ZC3H12C: variants seen among roughly 807,000 people sequenced by gnomAD.
ZC3H12C encodes zinc finger CCCH-type containing 12C.
ZC3H12C carries 20 observed loss-of-function variants against 76.3 expected under a neutral mutation model. That is an observed-to-expected ratio of 0.26 (90% confidence interval 0.18 to 0.38). ZC3H12C has a LOEUF of 0.38. Among genes scored for constraint, ZC3H12C ranks in the 10% least tolerant of loss-of-function variants. The pLI is 1.00. For missense variants in ZC3H12C, 874 were observed against 1,086.5 expected (o/e 0.80, Z 2.75); for synonymous variants, 352 against 399.6 (o/e 0.88, Z 1.42).
At chr11:110,151,276 A>C (rs1013394644) in intron 2 of ZC3H12C, among the ~76,000 whole-genome samples, 5 of 152,190 alleles carry the variant, frequency 3.3e-5, no homozygotes, top group Admixed American at 6.5e-5. Flanking sequence ...GAGTGAGTAA[A>C]TGTGACAGTT....
rs113314697 is a variant in ZC3H12C, at chr11:110,109,321, A to G, written c.21+15889A>G. Among the ~76,000 whole-genome samples the G allele has an allele frequency of 1.1e-3, 172 of 152,318 alleles. 3 individuals are homozygous for G. Among genetic ancestry groups the G allele is most frequent in the African/African-American group, 4.1e-3 (169 of 41,566 alleles). ...CCTTAATAAAGCTCTCATTCCTTCC[A>G]TGGTTATTCATATTTATAACCTCTT... On this transcript the variant is annotated intron_variant, in intron 1 of 5. Coordinates refer to ENST00000278590, the MANE Select transcript of ZC3H12C (RefSeq NM_033390.2).
intron 2 of ZC3H12C, among the ~76,000 whole-genome samples, chr11:110,146,131 TGCCCG>T (rs894142886): frequency 6.6e-6 from 1 of 152,014 alleles, no homozygotes; most frequent in Admixed American, 6.6e-5. Context: ...GGACCACAGG[TGCCCG>T]CCACCACGCC....
chr11:110,121,166 C>A (rs138947909), intron 1 of ZC3H12C, among the ~76,000 whole-genome samples: 1 of 152,144 alleles, frequency 6.6e-6, no homozygotes, highest in Non-Finnish European at 1.5e-5. Context: ...AGAGAACTGC[C>A]GCTTTAAGTA....
intron 1 of ZC3H12C, among the ~76,000 whole-genome samples, chr11:110,133,425 T>G (rs956288571): frequency 6.6e-6 from 1 of 152,168 alleles, no homozygotes; most frequent in South Asian, 2.1e-4. Flanking sequence ...AGCTAACCAA[T>G]GAAATCTAGA....
chr11:110,131,650 C>T (rs1395734935), intron 1 of ZC3H12C: 1 of 152,566 alleles, frequency 6.6e-6, no homozygotes, highest in East Asian at 1.9e-4. Flanking sequence ...GATTTCTTCA[C>T]TCTCACCTTT....
At chr11:110,100,920 A>G (rs1410879402) in intron 1 of ZC3H12C, among the ~76,000 whole-genome samples, 1 of 152,214 alleles carries the variant, frequency 6.6e-6, no homozygotes, top group East Asian at 1.9e-4. Flanking sequence ...AGGCATGTGA[A>G]AGCCAAGCTA....
chr11:110,116,447 C>CGGGCATTTTAACTCTA (rs1205581346), intron 1 of ZC3H12C, among the ~76,000 whole-genome samples: 2 of 152,058 alleles, frequency 1.3e-5, no homozygotes, highest in African/African-American at 2.4e-5. Flanking sequence ...GGAATAGAGT[C>CGGGCATTTTAACTCTA]GGGCATTTTA....
At chr11:110,126,582 C>G (rs1861752891) in intron 1 of ZC3H12C, among the ~76,000 whole-genome samples, 1 of 151,892 alleles carries the variant, frequency 6.6e-6, no homozygotes, top group Admixed American at 6.6e-5. Context: ...GTAACTATAT[C>G]ATGGTGATAA....
chr11:110,102,945 A>C (rs1363558447), intron 1 of ZC3H12C, among the ~76,000 whole-genome samples: 13 of 152,228 alleles, frequency 8.5e-5, no homozygotes, highest in Admixed American at 8.5e-4. Flanking sequence ...TTTTTTAGAC[A>C]TAATGCTATT....
intron 1 of ZC3H12C, among the ~76,000 whole-genome samples, chr11:110,117,721 CACATATATATATACACACACATAT>C (rs1861556133): frequency 7.4e-5 from 1 of 13,594 alleles, no homozygotes; most frequent in Non-Finnish European, 1.5e-4. Context: ...TATACACACA[CACATATATATATACACACACATAT>C]ATATATTATA....
rs1358190173 is a variant in ZC3H12C at position 110,117,996 on chromosome 11, ATATATAT to A, written c.22-18659_22-18653del. On this transcript the variant is annotated intron_variant, in intron 1 of 5. Transcript: ENST00000278590. ...ACATATATATTATATATATACACAC[ATATATAT>A]TATATATATACACACACACATATAT... is the stretch of plus-strand genomic sequence containing the variant. Among the ~76,000 whole-genome samples the A allele has an allele frequency of 1.5e-5, 2 of 133,208 alleles. 1 individual carries two copies. Among genetic ancestry groups the A allele is most frequent in the African/African-American group, 5.7e-5 (2 of 35,076 alleles). 87.4% of individuals were successfully genotyped at this position (133,208 alleles called of 152,430 possible). A position where few individuals can be genotyped will look rare whatever the true frequency, so the allele number is the denominator to read the frequency against.
Position 110,160,208 on chromosome 11 carries a change from G to T in ZC3H12C, c.1148+718G>T, listed in dbSNP as rs138336037. Among the ~76,000 whole-genome samples, 16 of 152,326 alleles carry T rather than the reference G, an allele frequency of 1.1e-4. No individual in the cohort carries two copies. In the East Asian group the frequency reaches 2.5e-3, roughly 24 times the overall value. The stretch of plus-strand genomic sequence containing the variant: ...AATGGGGCTTGCAGGACGGGAAGTT[G>T]TCCTGAGTGAGTCAGTGAATGAATG... On this transcript the variant is annotated intron_variant, in intron 4 of 5. Coordinates refer to ENST00000278590, the MANE Select transcript of ZC3H12C (RefSeq NM_033390.2).
chr11:110,164,614 A>G lies in ZC3H12C; in HGVS notation c.1529A>G (p.Lys510Arg). ...YQDLEEKLPT[K>R]NKLETRSVPS... ...GACCTAGAAGAAAAGCTTCCCACCA[A>G]AAACAAATTGGAAACCAGGTCTGTA... The change falls in exon 6 of 6, where the codon AAA (lysine) becomes AGA (arginine). Residue 510 changes from lysine to arginine, a missense_variant. This residue lies in a region of ZC3H12C where 269 missense variants were observed against 424.9 expected (regional missense o/e 0.63). Transcript: ENST00000278590. The surrounding 1 kb of genome is among the most constrained non-coding windows in gnomAD (Gnocchi z 5.7). The G allele has an allele frequency of 1.2e-6, 2 of 1,614,020 alleles. No homozygotes were observed. Among genetic ancestry groups the G allele is most frequent in the Non-Finnish European group, 1.7e-6 (2 of 1,179,890 alleles).
intron 1 of ZC3H12C, among the ~76,000 whole-genome samples, chr11:110,119,147 AG>A (rs1203155504): frequency 1.1e-4 from 17 of 152,228 alleles, no homozygotes; most frequent in Non-Finnish European, 1.9e-4. Context: ...GCACAGAAAT[AG>A]CAAAAGATCA....
At position 110,163,399 on chromosome 11, in the gene ZC3H12C, T is replaced by C. The variant is rs201141116; in HGVS notation, c.1255+20T>C. 637 of 1,586,840 alleles carry C rather than the reference T, an allele frequency of 4.0e-4. 3 individuals carry two copies. In the African/African-American group the frequency reaches 7.7e-3, roughly 19 times the overall value. ...CATATGGTAACTTGCTTTGTGAATATTGGGTATATGCCTTTAGAACACAAT... is the reference window on the plus strand; with the variant it reads ...CATATGGTAACTTGCTTTGTGAATACTGGGTATATGCCTTTAGAACACAAT... On this transcript the variant is annotated intron_variant, in intron 5 of 5. Transcript: ENST00000278590.
At chr11:110,143,859 C>A (rs1365003624) in intron 2 of ZC3H12C, among the ~76,000 whole-genome samples, 1 of 152,144 alleles carries the variant, frequency 6.6e-6, no homozygotes, top group Non-Finnish European at 1.5e-5. Flanking sequence ...CTAGCCACTT[C>A]ATTGACAAAC....
chr11:110,115,256 C>T (rs570932776), intron 1 of ZC3H12C, among the ~76,000 whole-genome samples: 2 of 151,928 alleles, frequency 1.3e-5, no homozygotes, highest in African/African-American at 4.8e-5. Flanking sequence ...CAGGCATGCA[C>T]CACCACACCC....
At chr11:110,163,540 AT>A (rs1468998117) in intron 5 of ZC3H12C, among the ~76,000 whole-genome samples, 161 bp downstream of exon 5, 6 of 152,176 alleles carry the variant, frequency 3.9e-5, no homozygotes, top group Non-Finnish European at 5.9e-5. Context: ...AAAAAGAATT[AT>A]TTTTACCTGT....
At chr11:110,108,776 T>G (rs867813982) in intron 1 of ZC3H12C, among the ~76,000 whole-genome samples, 12 of 152,212 alleles carry the variant, frequency 7.9e-5, no homozygotes, top group Non-Finnish European at 5.9e-5. Context: ...AAACTAAAAT[T>G]ATCTAAAACA....
Sources: allele counts gnomAD v4.1 joint callset (sites outside exome capture counted in the v4.1 genomes callset), GRCh38; gene constraint gnomAD v4.1.1; regional missense constraint gnomAD v4.1.1; non-coding constraint Gnocchi (gnomAD v3.1); transcripts MANE v1.5; gene names NCBI Gene and HGNC (gene_info 2026-07-23, HGNC 2026-07-21).